RPS3: variants seen among roughly 807,000 people sequenced by gnomAD.
RPS3 encodes the protein small ribosomal subunit protein uS3.
In RPS3, 2 loss-of-function variants were observed where a neutral mutation model predicts 25.8. That is an observed-to-expected ratio of 0.08 (90% CI 0.03 to 0.24). The LOEUF is 0.24. RPS3 is among the 10% of genes least tolerant of loss of function. RPS3 has a pLI of 1.00. For missense variants in RPS3, 107 were observed against 307.1 expected (o/e 0.35, Z 4.87); for synonymous variants, 114 against 114.2 (o/e 1.00, Z 0.01).
rs528006215 is a variant in RPS3, at chr11:75,399,584, C to T, written c.30+7C>T. The T allele has an allele frequency of 2.2e-5, 36 of 1,613,024 alleles. No individual in the cohort carries two copies. Among genetic ancestry groups the T allele is most frequent in the Non-Finnish European group, 2.7e-5 (32 of 1,179,126 alleles). On this transcript the variant is annotated splice_region_variant and intron_variant, in intron 1 of 6. Transcript: ENST00000531188. ...AATATCCAAGAAGAGGAAGGTGAGC[C>T]TCTGGGGACTGGGTTCGGAGAACGA... is the stretch of plus-strand genomic sequence containing the variant.
chr11:75,405,602 A>T lies in RPS3; in HGVS notation c.*4-12A>T, dbSNP rs1010896270. The T allele has an allele frequency of 2.2e-6, 1 of 455,476 alleles. No individual in the cohort carries two copies. The highest frequency in any genetic ancestry group is 4.4e-6 in the Non-Finnish European group (1 of 226,902). 28.2% of individuals were successfully genotyped at this position (455,476 alleles called of 1,614,324 possible). On this transcript the variant is annotated splice_polypyrimidine_tract_variant and intron_variant, in intron 6 of 6. Transcript: ENST00000531188. Reference sequence around the variant, plus strand: ...GTAAAGTTTCTTACTTTTGTGCTTTATTTGGTTTCAGGGTCTCCTTGGCAG... The same window carrying T: ...GTAAAGTTTCTTACTTTTGTGCTTTTTTTGGTTTCAGGGTCTCCTTGGCAG...
At chr11:75,403,903 C>A in intron 4 of RPS3, 117 bp from the exon 5 acceptor site, 1 of 947,162 alleles carries the variant, frequency 1.1e-6, no homozygotes, top group African/African-American at 1.6e-5. Flanking sequence ...TGGGGCCGGA[C>A]TCTGGTCAAA....
chr11:75,402,320 T>G, intron 3 of RPS3, 32 bp from the exon 4 acceptor site: 1 of 1,606,184 alleles, frequency 6.2e-7, no homozygotes, highest in Non-Finnish European at 8.5e-7. Context: ...ATAATGGTGA[T>G]GGTAACAGGA....
intron 6 of RPS3, among the ~76,000 whole-genome samples, chr11:75,412,581 C>T (rs912254630): frequency 2.1e-4 from 32 of 152,256 alleles, no homozygotes; most frequent in Middle Eastern, 3.4e-3. Flanking sequence ...GGACTCCTGC[C>T]TCCACCCCAC....
chr11:75,403,815 A>G lies in RPS3; in HGVS notation c.351-205A>G, dbSNP rs550699496. The G allele has an allele frequency of 3.4e-4, 182 of 533,996 alleles. 4 individuals carry two copies. The highest frequency in any genetic ancestry group is 2.5e-3 in the Middle Eastern group (5 of 2,036). The allele number at this position is 533,996 out of a possible 1,614,324, so 33.1% of individuals were successfully genotyped here. On this transcript the variant is annotated intron_variant, in intron 4 of 6. Transcript: ENST00000531188. Reference sequence around the variant, plus strand: ...GTATGCAGCCAGGGTTGGAAAGTACATATTTAGGAGCTTGACATACTTGAT... The same window carrying G: ...GTATGCAGCCAGGGTTGGAAAGTACGTATTTAGGAGCTTGACATACTTGAT...
rs1948263892 is a variant in RPS3, at chr11:75,404,945, C to T, written c.*3+77C>T. The stretch of plus-strand genomic sequence containing the variant: ...TCTTTCTGTTAATACTTGTATCCCA[C>T]ATTCTGGTAAGCGTTTGGTGAATAA... On this transcript the variant is annotated intron_variant, in intron 6 of 6. Coordinates refer to ENST00000531188, the MANE Select transcript of RPS3 (RefSeq NM_001005.5). This position sits in a 1 kb window ranked among gnomAD's most constrained non-coding sequence, Gnocchi z 4.6. The T allele has an allele frequency of 2.1e-6, 2 of 962,292 alleles. No homozygotes were observed. The allele number at this position is 962,292 out of a possible 1,614,324, so 59.6% of individuals were successfully genotyped here.
intron 3 of RPS3, chr11:75,402,101 C>T (rs181227845): frequency 3.2e-4 from 183 of 567,714 alleles, no homozygotes; most frequent in African/African-American, 3.1e-3. Context: ...TGGTGGTGTC[C>T]GATCTTTTGG....
At chr11:75,413,947 G>A (rs1948377249) in intron 6 of RPS3, among the ~76,000 whole-genome samples, 1 of 152,136 alleles carries the variant, frequency 6.6e-6, no homozygotes, top group Non-Finnish European at 1.5e-5. Context: ...CTGGCATCAG[G>A]GAACGCAGCC....
chr11:75,421,689 T>G (rs1365304970), intron 6 of RPS3: 1 of 152,270 alleles, frequency 6.6e-6, no homozygotes, highest in Non-Finnish European at 1.5e-5. Context: ...CACTCCGTAG[T>G]TGTTCAGGGA....
intron 6 of RPS3, chr11:75,405,277 T>C (rs1948270031): frequency 5.1e-6 from 1 of 196,386 alleles, no homozygotes; most frequent in African/African-American, 2.4e-5. Flanking sequence ...GGGTTTCACC[T>C]TGTTGGCCAG....
chr11:75,405,111 T>G (rs1948267195), intron 6 of RPS3: 1 of 355,014 alleles, frequency 2.8e-6, no homozygotes, highest in Non-Finnish European at 5.1e-6. Flanking sequence ...ATGAAATAGT[T>G]TTCCCTTATC....
rs147844074 is a variant in RPS3, at chr11:75,414,795, G to A, written c.*4-6932G>A. Among the ~76,000 whole-genome samples, 4 of 152,292 alleles carry A rather than the reference G, an allele frequency of 2.6e-5. No individual in the cohort carries two copies. In the South Asian group the frequency reaches 8.3e-4, roughly 32 times the overall value. On this transcript the variant is annotated intron_variant, in intron 6 of 6. Transcript: ENST00000527446. ...GTGAGCTCTTGGGGATAGACCCAGA[G>A]GGTGAGCCAGTCAGGGATGAAAACA...
At chr11:75,410,105 GCCGGGCGGGGGGCTGA>G (rs1241836281), downstream of RPS3, among the ~76,000 whole-genome samples, 2 of 140,202 alleles carry the variant, frequency 1.4e-5, no homozygotes, top group South Asian at 2.3e-4. Context: ...TGGGCGGCTG[GCCGGGCGGGGGGCTGA>G]CCCCACACCT....
chr11:75,406,924 A>G (rs1416286018), downstream of RPS3: 1 of 152,220 alleles, frequency 6.6e-6, no homozygotes, highest in East Asian at 1.9e-4. Flanking sequence ...GGATGTGCCT[A>G]GGTTATCTTA....
At position 75,404,849 on chromosome 11, in the gene RPS3, C is replaced by A. The variant is rs11546224; in HGVS notation, c.716C>A (p.Pro239Gln). ...GKPEPPAMPQ[P>Q]VPTA ...CCAGAGCCGCCTGCCATGCCCCAGC[C>A]AGTCCCCACAGCATAACAGGTATGT... Residue 239 changes from proline to glutamine, a missense_variant, in exon 6 of 7, where the codon CCA becomes CAA. Physicochemically the swap from Pro to Gln is moderately conservative, Grantham distance 76. Transcript: ENST00000531188. This position sits in a 1 kb window ranked among gnomAD's most constrained non-coding sequence, Gnocchi z 4.6. 1.9e-3 allele frequency: 3,135 copies of A among 1,612,300 alleles called. 8 individuals are homozygous for A. Among genetic ancestry groups the A allele is most frequent in the Admixed American group, 2.8e-3 (165 of 59,878 alleles).
chr11:75,421,309 C>G (rs1471326997), intron 6 of RPS3, among the ~76,000 whole-genome samples: 1 of 152,172 alleles, frequency 6.6e-6, no homozygotes, highest in Non-Finnish European at 1.5e-5. Flanking sequence ...GGGGCTGGCT[C>G]TGTGCTGAAG....
In RPS3 at chr11:75,406,269, G is replaced by C. The variant is rs1210707440; in HGVS notation, c.*659G>C. The stretch of plus-strand genomic sequence containing the variant: ...CTCTGATTTTATCTATCAATGTTTT[G>C]AAGTATTTTCTACCAGTGTCTGTAC... On this transcript the variant is annotated 3_prime_UTR_variant, in exon 7 of 7. Transcript: ENST00000531188. 1 of 152,208 alleles carries C rather than the reference G, an allele frequency of 6.6e-6. No homozygotes were observed. The highest frequency in any genetic ancestry group is 6.5e-5 in the Admixed American group (1 of 15,284). 9.4% of individuals were successfully genotyped at this position (152,208 alleles called of 1,614,324 possible).
downstream of RPS3, among the ~76,000 whole-genome samples, chr11:75,410,322 G>A (rs1480805611): frequency 1.6e-3 from 242 of 151,196 alleles, no homozygotes; most frequent in African/African-American, 5.7e-3. Context: ...CGGGGCGGCC[G>A]GGCAGAGGCG....
chr11:75,417,466 G>A (rs566803732), intron 6 of RPS3, among the ~76,000 whole-genome samples: 4 of 152,246 alleles, frequency 2.6e-5, no homozygotes, highest in East Asian at 1.9e-4. Flanking sequence ...GCGTGGTGGC[G>A]GGCACCTGTA....
Sources: allele counts gnomAD v4.1 joint callset (sites outside exome capture counted in the v4.1 genomes callset), GRCh38; gene constraint gnomAD v4.1.1; non-coding constraint Gnocchi (gnomAD v3.1); transcripts MANE v1.5; gene names NCBI Gene and HGNC (gene_info 2026-07-23, HGNC 2026-07-21).